The following IKZF3 variants were observed in gnomAD, a reference collection of about 807,000 sequenced individuals.
IKZF3 encodes the protein zinc finger protein Aiolos.
Under a neutral mutation model 49.0 loss-of-function variants are expected in IKZF3, and 10 were observed. The ratio of observed to expected loss-of-function variants is 0.20; its 90% CI spans 0.13 to 0.35. The LOEUF (loss-of-function observed/expected upper bound fraction) is 0.35, where lower values mean the gene tolerates loss of function less well. Among genes scored for constraint, IKZF3 ranks in the 10% least tolerant of loss-of-function variants. IKZF3 has a pLI of 1.00. For missense variants in IKZF3, 498 were observed against 664.8 expected, an observed-to-expected ratio of 0.75 and a Z score of 2.76; for synonymous variants, 209 against 228.2, an observed-to-expected ratio of 0.92 and a Z score of 0.76.
At chr17:39,822,444 T>G (rs1165951425) in intron 3 of IKZF3, among the ~76,000 whole-genome samples, 1 of 152,162 alleles carries the variant, frequency 6.6e-6, no homozygotes, top group Non-Finnish European at 1.5e-5. Context: ...TGGCACTCAC[T>G]CTCTCTTCTG....
At chr17:39,862,873 A>G (rs1173901096) in intron 1 of IKZF3, among the ~76,000 whole-genome samples, 1 of 152,158 alleles carries the variant, frequency 6.6e-6, no homozygotes, top group African/African-American at 2.4e-5. Flanking sequence ...CATTAAATAA[A>G]TGAATTTGGA....
intron 1 of IKZF3, among the ~76,000 whole-genome samples, chr17:39,837,543 G>T (rs1476366627): frequency 6.6e-6 from 1 of 151,488 alleles, no homozygotes; most frequent in Non-Finnish European, 1.5e-5. Context: ...CTCCCAAAAT[G>T]GGATTAGAGG....
chr17:39,826,106 G>A (rs148312484), intron 3 of IKZF3, among the ~76,000 whole-genome samples: 28 of 152,234 alleles, frequency 1.8e-4, no homozygotes, highest in Middle Eastern at 3.4e-3. Flanking sequence ...GCAGTGACAC[G>A]ATCAGGGTTC....
chr17:39,831,992 C>G, intron 2 of IKZF3, 106 bp downstream of exon 2: 1 of 779,486 alleles, frequency 1.3e-6, no homozygotes, highest in Non-Finnish European at 2.1e-6. Flanking sequence ...AAAACACACA[C>G]ACATTTCCAT....
Position 39,792,719 on chromosome 17 carries a change from G to T in IKZF3, c.378C>A (p.Ser126=), listed in dbSNP as rs768877351. The part of the protein sequence containing the change: ...GKMNCDVCGL[S]CISFNVLMVH... ...CCATTAAGACATTGAAGCTGATGCA[G>T]GATAATCCACACACATCGCAGTTCA... Residue 126 remains serine, a synonymous_variant, in exon 4 of 8, where the codon TCC becomes TCA. Coordinates refer to ENST00000346872, the MANE Select transcript of IKZF3 (RefSeq NM_012481.5). The T allele has an allele frequency of 6.2e-7, 1 of 1,614,140 alleles. No homozygotes were observed.
intron 1 of IKZF3, chr17:39,835,489 T>G (rs2062246770): frequency 2.3e-6 from 1 of 442,046 alleles, no homozygotes; most frequent in Admixed American, 2.6e-5. Flanking sequence ...CTTGGAGATC[T>G]CCGTCTTTGT....
At chr17:39,855,569 C>T (rs924028124) in intron 1 of IKZF3, among the ~76,000 whole-genome samples, 3 of 152,102 alleles carry the variant, frequency 2.0e-5, no homozygotes, top group African/African-American at 4.8e-5. Flanking sequence ...CTCCAAATTC[C>T]TTTTATTGAG....
At position 39,761,530 on chromosome 17, in the gene IKZF3, A is replaced by G. The variant is rs2060183046; in HGVS notation, c.*4260T>C. The G allele has an allele frequency of 6.6e-6, 1 of 151,984 alleles. No individual in the cohort carries two copies. Among genetic ancestry groups the G allele is most frequent in the Non-Finnish European group, 1.5e-5 (1 of 68,046 alleles). 9.4% of individuals were successfully genotyped at this position (151,984 alleles called of 1,614,324 possible). A position where few individuals can be genotyped will look rare whatever the true frequency, so the allele number is the denominator to read the frequency against. On this transcript the variant is annotated 3_prime_UTR_variant, in exon 8 of 8. Transcript: ENST00000346872. ...GGAGTTTGAGTCTGGCCTAGGCAAC[A>G]TAGTGAGACCCTGGTCCTCTAAAAT...
rs771869048 is a variant in IKZF3, at chr17:39,829,464, T to C, written c.86A>G (p.Tyr29Cys). 5 of 1,613,832 alleles carry C rather than the reference T, an allele frequency of 3.1e-6. No homozygotes were observed. The highest frequency in any genetic ancestry group is 1.1e-5 in the South Asian group (1 of 91,082). ...CATTTCATGAGATTTGGTTAAACTGTAGTCATTCAAAACCGCTGCACTTTC... is the reference window on the plus strand; with the variant it reads ...CATTTCATGAGATTTGGTTAAACTGCAGTCATTCAAAACCGCTGCACTTTC... ...PAESAAVLND[Y>C]SLTKSHEMEN... Residue 29 changes from tyrosine to cysteine, a missense_variant, in exon 3 of 8, where the codon TAC (tyrosine) becomes TGC (cysteine). Transcript: ENST00000346872.
intron 3 of IKZF3, among the ~76,000 whole-genome samples, chr17:39,797,428 T>TC (rs1291316362): frequency 3.3e-5 from 5 of 150,144 alleles, no homozygotes; most frequent in Admixed American, 6.6e-5. Flanking sequence ...TTTCTTTCTT[T>TC]TTTTTTTTTT....
At chr17:39,810,526 C>T (rs1383798557) in intron 3 of IKZF3, among the ~76,000 whole-genome samples, 1 of 150,816 alleles carries the variant, frequency 6.6e-6, no homozygotes, top group Non-Finnish European at 1.5e-5. Flanking sequence ...CTTCTATTTC[C>T]ATTTCACTAC....
intron 3 of IKZF3, among the ~76,000 whole-genome samples, chr17:39,822,582 C>CTT (rs536009534): frequency 7.0e-4 from 93 of 132,982 alleles, no homozygotes; most frequent in African/African-American, 1.8e-3. Flanking sequence ...GTATTTCTTT[C>CTT]TTTTTTTTTT....
At chr17:39,775,525 G>A (rs1597969484) in intron 7 of IKZF3, among the ~76,000 whole-genome samples, 1 of 152,318 alleles carries the variant, frequency 6.6e-6, no homozygotes, top group South Asian at 2.1e-4. Flanking sequence ...ATTATATTAA[G>A]TAGGGCTTTA....
intron 1 of IKZF3, among the ~76,000 whole-genome samples, chr17:39,849,978 A>G (rs140770335): frequency 3.5e-4 from 53 of 149,744 alleles, no homozygotes; most frequent in African/African-American, 1.3e-3. Context: ...AAACCTAAAC[A>G]TACACCTATA....
intron 1 of IKZF3, among the ~76,000 whole-genome samples, chr17:39,851,309 G>A (rs1001549906): frequency 3.3e-5 from 5 of 151,934 alleles, no homozygotes; most frequent in African/African-American, 1.2e-4. Flanking sequence ...AATTACAGGC[G>A]TGAGCCAGCG....
At chr17:39,848,052 A>G (rs2062685373) in intron 1 of IKZF3, among the ~76,000 whole-genome samples, 1 of 152,210 alleles carries the variant, frequency 6.6e-6, no homozygotes, top group African/African-American at 2.4e-5. Flanking sequence ...CATGCATTAA[A>G]GTGAGAGTAA....
At chr17:39,789,023 A>G (rs2060942959) in intron 5 of IKZF3, among the ~76,000 whole-genome samples, 1 of 152,104 alleles carries the variant, frequency 6.6e-6, no homozygotes, top group Non-Finnish European at 1.5e-5. Flanking sequence ...CTACAGCCCC[A>G]ATTTCATAGG....
chr17:39,853,290 C>T (rs1010747753), intron 1 of IKZF3, among the ~76,000 whole-genome samples: 1 of 151,880 alleles, frequency 6.6e-6, no homozygotes, highest in Non-Finnish European at 1.5e-5. Context: ...AGTTTTAGAA[C>T]GAAGAATGAA....
chr17:39,826,826 G>C (rs912407025), intron 3 of IKZF3, among the ~76,000 whole-genome samples: 1 of 152,096 alleles, frequency 6.6e-6, no homozygotes. Flanking sequence ...TATTTCCCTT[G>C]GACCTCCTGA....
Sources: gnomAD v4.1 joint callset for allele counts (sites outside exome capture counted in the v4.1 genomes callset) on GRCh38, gnomAD v4.1.1 for gene constraint, MANE v1.5 for transcripts, NCBI Gene and HGNC (gene_info 2026-07-23, HGNC 2026-07-21) for gene names.